The following VPS13D variants were observed in gnomAD, a reference collection of about 807,000 sequenced individuals.
The protein encoded by VPS13D is vacuolar protein sorting 13 homolog D.
In VPS13D, 187 loss-of-function variants were observed where a neutral mutation model predicts 461.9. That is an observed-to-expected ratio of 0.40 (90% CI 0.36 to 0.46). The LOEUF (loss-of-function observed/expected upper bound fraction) is 0.46. Ranked by LOEUF, VPS13D falls within the 20% of genes least tolerant of loss-of-function variation. VPS13D has a pLI of 0.60. For missense variants in VPS13D, 4,711 were observed against 5,364.9 expected (o/e 0.88, Z 3.81); for synonymous variants, 1,951 against 1,986.3 (o/e 0.98, Z 0.47).
At chr1:12,417,419 G>C (rs1043881727) in intron 65 of VPS13D, among the ~76,000 whole-genome samples, 1 of 152,192 alleles carries the variant, frequency 6.6e-6, no homozygotes, top group African/African-American at 2.4e-5. Context: ...AGCTGGAAAA[G>C]GTGAAGCGAG....
At chr1:12,288,190 A>G (rs1157021486) in intron 21 of VPS13D, 33 bp from the exon 22 acceptor site, 1 of 1,565,778 alleles carries the variant, frequency 6.4e-7, no homozygotes. Context: ...CTCCCCAGTA[A>G]TATTGGCCTT....
intron 1 of VPS13D, among the ~76,000 whole-genome samples, chr1:12,230,751 A>G (rs889076264): frequency 2.0e-5 from 3 of 149,608 alleles, no homozygotes; most frequent in Non-Finnish European, 3.0e-5. Context: ...GATGCCAGAC[A>G]TCAGGCCTAA....
At chr1:12,410,268 G>C (rs987809055) in intron 63 of VPS13D, among the ~76,000 whole-genome samples, 1 of 152,194 alleles carries the variant, frequency 6.6e-6, no homozygotes, top group Non-Finnish European at 1.5e-5. Flanking sequence ...TGTGGTACTA[G>C]GGAGATTAAA....
intron 60 of VPS13D, among the ~76,000 whole-genome samples, chr1:12,388,239 A>G (rs552160396): frequency 6.6e-6 from 1 of 152,328 alleles, no homozygotes; most frequent in South Asian, 2.1e-4. Flanking sequence ...AGCAACCACC[A>G]AAATAACAAA....
chr1:12,388,463 A>C (rs1644377972), intron 60 of VPS13D, among the ~76,000 whole-genome samples: 1 of 151,804 alleles, frequency 6.6e-6, no homozygotes, highest in Non-Finnish European at 1.5e-5. Flanking sequence ...AATCCCAGTT[A>C]CTCGGGAGGC....
At chr1:12,304,016 A>C (rs912763186) in intron 25 of VPS13D, among the ~76,000 whole-genome samples, 2 of 152,312 alleles carry the variant, frequency 1.3e-5, no homozygotes, top group East Asian at 3.9e-4. Context: ...TCATTTCTAC[A>C]GTTACTTAGA....
At chr1:12,231,944 G>T (rs192929646) in intron 1 of VPS13D, among the ~76,000 whole-genome samples, 1 of 152,184 alleles carries the variant, frequency 6.6e-6, no homozygotes, top group Non-Finnish European at 1.5e-5. Flanking sequence ...GCCGAGATCC[G>T]AGATCCCGTC....
Position 12,363,213 on chromosome 1 carries a change from G to A in VPS13D, c.10414G>A (p.Val3472Ile), listed in dbSNP as rs1427377708. The A allele has an allele frequency of 6.2e-7, 1 of 1,614,172 alleles. No individual in the cohort carries two copies. Among genetic ancestry groups the A allele is most frequent in the East Asian group, 2.2e-5 (1 of 44,882 alleles). ...TTGTATTTGGTCTGGAGGCTTTGAA[G>A]TCAACAAGAATAATTCCTTCCATAT... ...PNCIWSGGFEVNKNNSFHINM... is the reference protein window; with the variant it reads ...PNCIWSGGFEINKNNSFHINM... Residue 3472 changes from valine to isoleucine, a missense_variant, in exon 52 of 70, where the codon GTC (valine) becomes ATC (isoleucine). By Grantham distance (29) the Val-to-Ile change is conservative (BLOSUM62 3). This residue lies in a region of VPS13D where 4,411 missense variants were observed against 4,937.8 expected (regional missense o/e 0.89). Coordinates refer to ENST00000620676, the MANE Select transcript of VPS13D (RefSeq NM_015378.4).
At chr1:12,477,146 T>C (rs1645643169) in intron 67 of VPS13D, among the ~76,000 whole-genome samples, 2 of 152,148 alleles carry the variant, frequency 1.3e-5, no homozygotes. Context: ...TCAAGATGGG[T>C]GAAGACAAAA....
chr1:12,382,775 A>G (rs1356438498), intron 57 of VPS13D, among the ~76,000 whole-genome samples: 1 of 152,232 alleles, frequency 6.6e-6, no homozygotes, highest in African/African-American at 2.4e-5. Flanking sequence ...ATTTATGAGC[A>G]TAACTTTTCA....
At chr1:12,469,849 A>G (rs567224421) in intron 67 of VPS13D, among the ~76,000 whole-genome samples, 1 of 152,224 alleles carries the variant, frequency 6.6e-6, no homozygotes, top group South Asian at 2.1e-4. Context: ...AGTGTAGAGC[A>G]GATTACTTCA....
intron 2 of VPS13D, among the ~76,000 whole-genome samples, chr1:12,241,730 C>G (rs1415082383): frequency 6.6e-6 from 1 of 152,134 alleles, no homozygotes; most frequent in Non-Finnish European, 1.5e-5. Context: ...AGTAGAGGTG[C>G]TAAGGAGTTC....
intron 26 of VPS13D, among the ~76,000 whole-genome samples, chr1:12,307,313 C>T (rs1035569958): frequency 6.6e-6 from 1 of 151,940 alleles, no homozygotes; most frequent in East Asian, 1.9e-4. Flanking sequence ...ATGAGAGGGG[C>T]GGGCCATGCC....
At chr1:12,314,076 G>A (rs1001204960) in intron 29 of VPS13D, 39 bp from the exon 30 acceptor site, 8 of 1,578,736 alleles carry the variant, frequency 5.1e-6, no homozygotes, top group Non-Finnish European at 6.9e-6. Flanking sequence ...TGGAAGAGTT[G>A]TGTTTCACAT....
chr1:12,339,810 C>T (rs1245462548), intron 40 of VPS13D, among the ~76,000 whole-genome samples: 1 of 152,162 alleles, frequency 6.6e-6, no homozygotes, highest in Non-Finnish European at 1.5e-5. Flanking sequence ...AAGCATTGTG[C>T]CTACCCATGC....
At chr1:12,394,478 C>T (rs939866265) in intron 60 of VPS13D, among the ~76,000 whole-genome samples, 2 of 152,324 alleles carry the variant, frequency 1.3e-5, no homozygotes, top group East Asian at 1.9e-4. Flanking sequence ...CAACCTGCCA[C>T]CTCGGGATCC....
At chr1:12,248,407 A>G (rs968211681) in intron 5 of VPS13D, among the ~76,000 whole-genome samples, 2 of 151,932 alleles carry the variant, frequency 1.3e-5, no homozygotes, top group African/African-American at 4.8e-5. Flanking sequence ...CAGTGGCACC[A>G]TCATACCTTA....
intron 6 of VPS13D, among the ~76,000 whole-genome samples, chr1:12,250,159 C>A (rs1640688935): frequency 6.6e-6 from 1 of 152,172 alleles, no homozygotes; most frequent in Non-Finnish European, 1.5e-5. Context: ...GGCCACACCC[C>A]CCTCCAGTGT....
intron 67 of VPS13D, among the ~76,000 whole-genome samples, chr1:12,481,658 G>A (rs1645719025): frequency 6.6e-6 from 1 of 152,144 alleles, no homozygotes; most frequent in Admixed American, 6.5e-5. Flanking sequence ...TGCTTTCAAG[G>A]GGGATGGGGA....
Sources: gnomAD v4.1 joint callset for allele counts (sites outside exome capture counted in the v4.1 genomes callset) on GRCh38, gnomAD v4.1.1 for gene constraint, gnomAD v4.1.1 regional missense constraint, MANE v1.5 for transcripts, NCBI Gene and HGNC (gene_info 2026-07-23, HGNC 2026-07-21) for gene names.